Variants in SMAD3 observed in about 807,000 individuals in gnomAD.
SMAD3 encodes the protein SMAD family member 3, also known as MAD homolog 3.
A neutral mutation model predicts 51.8 loss-of-function variants in SMAD3; 12 were observed. The ratio of observed to expected loss-of-function variants is 0.23; its 90% confidence interval spans 0.15 to 0.38. The LOEUF (loss-of-function observed/expected upper bound fraction) is 0.38. Ranked by LOEUF, SMAD3 falls within the 10% of genes least tolerant of loss-of-function variation. The pLI is 1.00. For synonymous variants in SMAD3, 238 were observed against 227.7 expected (o/e 1.05, Z -0.41); for missense variants, 294 against 565.6 (o/e 0.52, Z 4.87).
intron 7 of SMAD3, 144 bp from the exon 8 acceptor site, chr15:67,187,221 G>A: frequency 1.0e-6 from 1 of 958,388 alleles, no homozygotes; most frequent in Non-Finnish European, 1.7e-6. Flanking sequence ...TGTGGAGTGT[G>A]TGGCAAATGC....
intron 1 of SMAD3, among the ~76,000 whole-genome samples, chr15:67,118,093 A>G (rs1961175940): frequency 6.6e-6 from 1 of 152,250 alleles, no homozygotes; most frequent in Admixed American, 6.5e-5. Flanking sequence ...CAATGTCTCA[A>G]AAAATAAAAA....
intron 1 of SMAD3, among the ~76,000 whole-genome samples, chr15:67,080,985 A>C (rs1363747694): frequency 6.6e-6 from 1 of 152,214 alleles, no homozygotes; most frequent in African/African-American, 2.4e-5. Flanking sequence ...GGGCGAGGCC[A>C]TGTCGGGTGA....
At chr15:67,175,568 T>G (rs965029265) in intron 5 of SMAD3, among the ~76,000 whole-genome samples, 3 of 152,172 alleles carry the variant, frequency 2.0e-5, no homozygotes, top group Non-Finnish European at 2.9e-5. Context: ...GGTTATTTCT[T>G]CCAAAGGGAG....
At position 67,191,791 on chromosome 15, in the gene SMAD3, A is replaced by G. The variant is rs569581429; in HGVS notation, c.*1255A>G. The G allele has an allele frequency of 1.7e-3, 389 of 230,510 alleles. No individual in the cohort carries two copies. The highest frequency in any genetic ancestry group is 0.011 in the South Asian group (61 of 5,498). The allele number at this position is 230,510 out of a possible 1,614,324, so 14.3% of individuals were successfully genotyped here. The stretch of plus-strand genomic sequence containing the variant: ...CTTTGAAAATTGCAGGCTTGGTACA[A>G]AGAGGTCTGTCATCTTCCCCCTGGG... On this transcript the variant is annotated 3_prime_UTR_variant, in exon 9 of 9. Transcript: ENST00000327367.
Position 67,171,221 on chromosome 15 carries a change from T to C in SMAD3, c.658+617T>C, listed in dbSNP as rs1962742463. 2.6e-5 allele frequency among the ~76,000 whole-genome samples: 4 copies of C among 152,302 alleles called. No homozygotes were observed. The South Asian group carries it at 8.3e-4, about 32-fold the overall frequency. On this transcript the variant is annotated intron_variant, in intron 5 of 8. Coordinates refer to ENST00000327367, the MANE Select transcript of SMAD3 (RefSeq NM_005902.4). ...GTTTTCATTCTCTTTTCTCCTTATG[T>C]TATTTTGTAAACACGTTTCCGTATT...
intron 1 of SMAD3, among the ~76,000 whole-genome samples, chr15:67,089,313 G>T (rs1337928935): frequency 6.6e-6 from 1 of 152,122 alleles, no homozygotes; most frequent in Non-Finnish European, 1.5e-5. Context: ...GCAGAAAAAT[G>T]AGCCAAATTT....
At chr15:67,079,868 G>A (rs983915698) in intron 1 of SMAD3, among the ~76,000 whole-genome samples, 6 of 152,078 alleles carry the variant, frequency 3.9e-5, no homozygotes, top group Non-Finnish European at 8.8e-5. Flanking sequence ...ATTCTCATTT[G>A]GTAAATGACA....
At chr15:67,137,444 G>T (rs1961694606) in intron 1 of SMAD3, among the ~76,000 whole-genome samples, 1 of 152,162 alleles carries the variant, frequency 6.6e-6, no homozygotes, top group Non-Finnish European at 1.5e-5. Context: ...CTGTTGGCTT[G>T]CTTGCTGTTA....
intron 5 of SMAD3, among the ~76,000 whole-genome samples, chr15:67,178,350 C>G (rs767983964): frequency 2.0e-5 from 3 of 152,206 alleles, no homozygotes; most frequent in Non-Finnish European, 2.9e-5. Context: ...CTGGACTAAA[C>G]CCAGAGAATG....
intron 1 of SMAD3, among the ~76,000 whole-genome samples, chr15:67,076,760 C>G (rs1595887009): frequency 6.6e-6 from 1 of 152,212 alleles, no homozygotes; most frequent in African/African-American, 2.4e-5. Context: ...CCTGACCCTT[C>G]CAGTTCCCTG....
At chr15:67,149,709 ATT>A (rs1962077951) in intron 1 of SMAD3, among the ~76,000 whole-genome samples, 1 of 152,132 alleles carries the variant, frequency 6.6e-6, no homozygotes, top group South Asian at 2.1e-4. Flanking sequence ...AGGAATGCTA[ATT>A]GGCCACTTAA....
At chr15:67,115,923 G>A (rs1187566524) in intron 1 of SMAD3, among the ~76,000 whole-genome samples, 3 of 152,196 alleles carry the variant, frequency 2.0e-5, no homozygotes, top group Admixed American at 6.5e-5. Flanking sequence ...ACCAAAGGGT[G>A]GGTAGGAGTA....
intron 1 of SMAD3, among the ~76,000 whole-genome samples, chr15:67,113,076 G>GTATA (rs1555408269): frequency 2.9e-5 from 1 of 34,972 alleles, no homozygotes; most frequent in African/African-American, 1.0e-4. Flanking sequence ...ATATATATGT[G>GTATA]TATATATATA....
rs7181541 is a variant in SMAD3 at position 67,160,146 on chromosome 15, G to A, written c.207-4749G>A. On this transcript the variant is annotated intron_variant, in intron 1 of 8. Transcript: ENST00000327367. ...CATTGTATGCTTGTATCAAAATATC[G>A]CAAGTACCCTATAAATATGTATAGC... Among the ~76,000 whole-genome samples the A allele has an allele frequency of 5.1e-3, 772 of 152,222 alleles. 14 individuals carry two copies. Among genetic ancestry groups the A allele is most frequent in the African/African-American group, 0.018 (744 of 41,516 alleles).
chr15:67,184,806 T>C lies in SMAD3; in HGVS notation c.951T>C (p.Ser317=). Residue 317 remains serine (S), a synonymous_variant, in exon 7 of 9, where the codon TCT becomes TCC. Transcript: ENST00000327367. ...GTGACAGCGCTATTTTTGTCCAGTCTCCCAACTGTAACCAGCGCTATGGCT... is the reference window on the plus strand; with the variant it reads ...GTGACAGCGCTATTTTTGTCCAGTCCCCCAACTGTAACCAGCGCTATGGCT... ...CLSDSAIFVQ[S]PNCNQRYGWH... The C allele has an allele frequency of 6.2e-7, 1 of 1,613,724 alleles. No homozygotes were observed. Among genetic ancestry groups the C allele is most frequent in the Non-Finnish European group, 8.5e-7 (1 of 1,180,024 alleles).
chr15:67,097,080 C>A (rs891900780), intron 1 of SMAD3, among the ~76,000 whole-genome samples: 9 of 152,194 alleles, frequency 5.9e-5, no homozygotes, highest in African/African-American at 2.2e-4. Context: ...TTGGGTGAGT[C>A]ATTTCTTCAT....
chr15:67,091,860 C>A, intron 1 of SMAD3, among the ~76,000 whole-genome samples: 1 of 152,102 alleles, frequency 6.6e-6, no homozygotes. Flanking sequence ...GAATTTAATA[C>A]GGGACCTTGG....
chr15:67,184,280 AT>A lies in SMAD3; in HGVS notation c.872-446del, dbSNP rs375689419. ...CTATGCCCAGTTAATTAAAAAAAAA[AT>A]GTTTTTGTAGAGATGAAGTCTCATT... On this transcript the variant is annotated intron_variant, in intron 6 of 8. Transcript: ENST00000327367. Among the ~76,000 whole-genome samples the A allele has an allele frequency of 8.0e-4, 121 of 152,092 alleles. 4 individuals carry two copies. In the East Asian group the frequency reaches 0.014, roughly 17 times the overall value.
At chr15:67,125,958 G>A (rs1216900636) in intron 1 of SMAD3, 2 of 985,400 alleles carry the variant, frequency 2.0e-6, no homozygotes, top group Non-Finnish European at 2.4e-6. Context: ...ACCCACACTC[G>A]GGCCTGTGTT....
Sources: gnomAD v4.1 joint callset for allele counts (sites outside exome capture counted in the v4.1 genomes callset) on GRCh38, gnomAD v4.1.1 for gene constraint, MANE v1.5 for transcripts, NCBI Gene and HGNC (gene_info 2026-07-23, HGNC 2026-07-21) for gene names.